EYS: variants seen among roughly 807,000 people sequenced by gnomAD.
EYS encodes protein eyes shut homolog.
In EYS, 250 loss-of-function variants were observed where a neutral mutation model predicts 282.1. That is an observed-to-expected ratio of 0.89 (90% CI 0.80 to 0.98). The LOEUF (loss-of-function observed/expected upper bound fraction) is 0.98. EYS is among the 50% of genes least tolerant of loss of function. The pLI is 0.00. For missense variants in EYS, 4,016 were observed against 3,709.0 expected, an observed-to-expected ratio of 1.08 and a Z score of -2.15; for synonymous variants, 1,355 against 1,282.9, an observed-to-expected ratio of 1.06 and a Z score of -1.20.
chr6:64,037,934 T>C (rs995955823), intron 33 of EYS, among the ~76,000 whole-genome samples: 1 of 152,238 alleles, frequency 6.6e-6, no homozygotes, highest in African/African-American at 2.4e-5. Context: ...GATACTTAAA[T>C]TGTAATTTAG....
chr6:65,555,414 ATT>A (rs1167681841), intron 2 of EYS, among the ~76,000 whole-genome samples: 1 of 152,034 alleles, frequency 6.6e-6, no homozygotes, highest in Non-Finnish European at 1.5e-5. Context: ...TAAATGATCT[ATT>A]TAGCCCTTTA....
chr6:63,754,283 G>T (rs1769420046), intron 41 of EYS, among the ~76,000 whole-genome samples: 1 of 151,974 alleles, frequency 6.6e-6, no homozygotes, highest in African/African-American at 2.4e-5. Flanking sequence ...ATGTTGGTTT[G>T]CTGCACCCAT....
At chr6:64,519,441 G>A (rs13212470) in intron 26 of EYS, among the ~76,000 whole-genome samples, 45,690 of 151,576 alleles carry the variant, frequency 0.3, 6,938 homozygotes, top group East Asian at 0.47. Context: ...TGAATGAAGA[G>A]GAGAAAACAC....
chr6:64,229,358 A>C (rs950791279), intron 31 of EYS, among the ~76,000 whole-genome samples: 7 of 152,200 alleles, frequency 4.6e-5, no homozygotes, highest in South Asian at 2.1e-4. Flanking sequence ...CAGAATTTTA[A>C]ATAGTTAAAT....
intron 22 of EYS, among the ~76,000 whole-genome samples, chr6:64,778,021 T>TA (rs1461890493): frequency 1.3e-5 from 2 of 152,150 alleles, no homozygotes; most frequent in African/African-American, 4.8e-5. Context: ...CTAGTTGACT[T>TA]AATCTATTGC....
chr6:64,879,540 T>C (rs1766851217), intron 19 of EYS, among the ~76,000 whole-genome samples: 1 of 152,130 alleles, frequency 6.6e-6, no homozygotes, highest in African/African-American at 2.4e-5. Context: ...TAAGATATTT[T>C]GTTTGTGAAC....
At chr6:64,264,596 A>G (rs1767695856) in intron 30 of EYS, among the ~76,000 whole-genome samples, 1 of 152,104 alleles carries the variant, frequency 6.6e-6, no homozygotes, top group South Asian at 2.1e-4. Context: ...GTGTGAGATA[A>G]TAGACTTCAC....
chr6:65,384,509 A>C lies in EYS; in HGVS notation c.1185-9T>G. 2.3e-6 allele frequency: 3 copies of C among 1,317,806 alleles called. No individual in the cohort carries two copies. Among genetic ancestry groups the C allele is most frequent in the Non-Finnish European group, 3.3e-6 (3 of 914,146 alleles). The allele number at this position is 1,317,806 out of a possible 1,614,324, so 81.6% of individuals were successfully genotyped here. A position where few individuals can be genotyped will look rare whatever the true frequency, so the allele number is the denominator to read the frequency against. On this transcript the variant is annotated splice_polypyrimidine_tract_variant and intron_variant, in intron 7 of 42. Coordinates refer to ENST00000503581, the MANE Select transcript of EYS (RefSeq NM_001142800.2). ...TAAATCCTGATATACAGCTGTAAAT[A>C]CATCAGTGTAAATTAGAAAAATTAT...
At chr6:64,553,883 G>A (rs372357427) in intron 26 of EYS, among the ~76,000 whole-genome samples, 4 of 151,840 alleles carry the variant, frequency 2.6e-5, no homozygotes, top group Non-Finnish European at 5.9e-5. Flanking sequence ...TACATATACT[G>A]TATGTGTTTA....
chr6:64,779,506 G>A (rs1744915336), intron 22 of EYS, among the ~76,000 whole-genome samples: 1 of 152,098 alleles, frequency 6.6e-6, no homozygotes, highest in African/African-American at 2.4e-5. Context: ...GAAGAATAGA[G>A]GAAGCATAGG....
In EYS at chr6:65,578,158, A is replaced by G. The variant is rs187815567; in HGVS notation, c.-333+61620T>C. Among the ~76,000 whole-genome samples the G allele has an allele frequency of 2.6e-5, 4 of 150,944 alleles. No individual in the cohort carries two copies. The East Asian group carries it at 5.9e-4, about 22-fold the overall frequency. The stretch of plus-strand genomic sequence containing the variant: ...TTTTGCAGCACTAGTCACAATAGTC[A>G]AGGTATGGATTAAACAGGAGTGTAG... On this transcript the variant is annotated intron_variant, in intron 2 of 42. Coordinates refer to ENST00000503581, the MANE Select transcript of EYS (RefSeq NM_001142800.2).
intron 35 of EYS, among the ~76,000 whole-genome samples, chr6:63,944,926 C>T (rs1193725550): frequency 6.6e-6 from 1 of 151,708 alleles, no homozygotes; most frequent in Non-Finnish European, 1.5e-5. Flanking sequence ...GGGAGCAAGA[C>T]TCTATCTCAA....
intron 35 of EYS, among the ~76,000 whole-genome samples, chr6:63,874,294 C>A (rs529401204): frequency 3.9e-5 from 6 of 152,282 alleles, no homozygotes; most frequent in African/African-American, 1.4e-4. Flanking sequence ...TGTCAAAGAT[C>A]AGATGGTTGT....
chr6:64,656,819 G>C (rs1177360534), intron 22 of EYS, among the ~76,000 whole-genome samples: 1 of 152,106 alleles, frequency 6.6e-6, no homozygotes, highest in Non-Finnish European at 1.5e-5. Context: ...AAATAAACAA[G>C]CTCATAAATA....
At chr6:64,442,561 G>A (rs1356357110) in intron 26 of EYS, among the ~76,000 whole-genome samples, 3 of 152,172 alleles carry the variant, frequency 2.0e-5, no homozygotes, top group African/African-American at 7.2e-5. Flanking sequence ...TCTCATTACA[G>A]GCCTGGAGGC....
At chr6:65,349,858 G>A (rs1167193079) in intron 9 of EYS, among the ~76,000 whole-genome samples, 1 of 151,452 alleles carries the variant, frequency 6.6e-6, no homozygotes, top group Non-Finnish European at 1.5e-5. Context: ...GATTATGTAT[G>A]CATGCGCCTA....
At chr6:65,564,800 T>C (rs1769209474) in intron 2 of EYS, among the ~76,000 whole-genome samples, 3 of 151,874 alleles carry the variant, frequency 2.0e-5, no homozygotes, top group South Asian at 4.1e-4. Context: ...ACTAAAGAGC[T>C]TCTGCACAGC....
chr6:64,309,608 G>A (rs1030211371), intron 29 of EYS, among the ~76,000 whole-genome samples: 5 of 151,440 alleles, frequency 3.3e-5, no homozygotes, highest in Admixed American at 3.3e-4. Flanking sequence ...ATAAAAATGT[G>A]AGCAAAGGAC....
chr6:65,056,860 T>A lies in EYS; in HGVS notation c.2137+754A>T, dbSNP rs538967063. ...ATTCAACTAAATGAGCTAGATATAT[T>A]CTTATTGTCATTTAACAGTGAGAAA... On this transcript the variant is annotated intron_variant, in intron 13 of 42. Coordinates refer to ENST00000503581, the MANE Select transcript of EYS (RefSeq NM_001142800.2). 3.5e-4 allele frequency among the ~76,000 whole-genome samples: 53 copies of A among 152,206 alleles called. 1 individual carries two copies. The South Asian group carries it at 9.3e-3, about 27-fold the overall frequency.
Sources: gnomAD v4.1 joint callset for allele counts (sites outside exome capture counted in the v4.1 genomes callset) on GRCh38, gnomAD v4.1.1 for gene constraint, MANE v1.5 for transcripts, NCBI Gene and HGNC (gene_info 2026-07-23, HGNC 2026-07-21) for gene names.